Variants in DDI2 observed in about 807,000 individuals in gnomAD.
The protein encoded by DDI2 is protein DDI1 homolog 2.
Under a neutral mutation model 48.1 loss-of-function variants are expected in DDI2, and 5 were observed. The ratio of observed to expected loss-of-function variants is 0.10; its 90% confidence interval spans 0.05 to 0.22. The LOEUF (loss-of-function observed/expected upper bound fraction) is 0.22. Among genes scored for constraint, DDI2 ranks in the 10% least tolerant of loss-of-function variants. The pLI is 1.00. For synonymous variants in DDI2, 205 were observed against 183.6 expected (o/e 1.12, Z -0.94); for missense variants, 285 against 506.2 (o/e 0.56, Z 4.19).
At chr1:15,620,792 T>C (rs1639648021) in intron 1 of DDI2, among the ~76,000 whole-genome samples, 2 of 152,176 alleles carry the variant, frequency 1.3e-5, no homozygotes, top group African/African-American at 2.4e-5. Context: ...TAATATGTTA[T>C]CTGTAAAGTA....
intron 8 of DDI2, among the ~76,000 whole-genome samples, chr1:15,654,254 G>A (rs1640235769): frequency 6.6e-6 from 1 of 152,210 alleles, no homozygotes; most frequent in Non-Finnish European, 1.5e-5. Flanking sequence ...ACATTCAGAT[G>A]TCTGTCATTG....
At chr1:15,632,492 C>T (rs1230457135) in intron 3 of DDI2, among the ~76,000 whole-genome samples, 2 of 151,960 alleles carry the variant, frequency 1.3e-5, no homozygotes, top group Non-Finnish European at 2.9e-5. Context: ...AAGATTGCGC[C>T]ATTGCTCCCC....
chr1:15,643,617 G>A lies in DDI2; in HGVS notation c.856G>A (p.Gly286Ser). ...RRWAGIAKGVGTQKIIGRVHL... is the reference protein window; with the variant it reads ...RRWAGIAKGVSTQKIIGRVHL... The stretch of plus-strand genomic sequence containing the variant: ...GTGGGCAGGGATTGCCAAAGGAGTG[G>A]GCACCCAGAAGATTATTGGAAGGGT... Residue 286 changes from glycine (G) to serine (S), a missense_variant, in exon 6 of 10, where the codon GGC becomes AGC. Physicochemically the swap from Gly to Ser is moderately conservative, Grantham distance 56. Coordinates refer to ENST00000480945, the MANE Select transcript of DDI2 (RefSeq NM_032341.5). 6.2e-7 allele frequency: 1 copy of A among 1,614,150 alleles called. No individual in the cohort carries two copies. Among genetic ancestry groups the A allele is most frequent in the Non-Finnish European group, 8.5e-7 (1 of 1,180,024 alleles).
chr1:15,629,199 T>C (rs1477142429), intron 2 of DDI2, among the ~76,000 whole-genome samples: 1 of 152,212 alleles, frequency 6.6e-6, no homozygotes, highest in African/African-American at 2.4e-5. Context: ...GATTAAAGTA[T>C]AAATTCAGAG....
At chr1:15,631,891 C>T (rs534622146) in intron 3 of DDI2, among the ~76,000 whole-genome samples, 1 of 151,796 alleles carries the variant, frequency 6.6e-6, no homozygotes, top group Non-Finnish European at 1.5e-5. Flanking sequence ...CTGCAACCTT[C>T]GCCTCCTGGG....
At chr1:15,635,954 A>G (rs2103468716) in intron 4 of DDI2, among the ~76,000 whole-genome samples, 1 of 152,366 alleles carries the variant, frequency 6.6e-6, no homozygotes, top group Non-Finnish European at 1.5e-5. Flanking sequence ...TTGCTACACC[A>G]GTGATTACAC....
chr1:15,626,665 G>A lies in DDI2; in HGVS notation c.139-4G>A. 1.9e-6 allele frequency: 3 copies of A among 1,614,140 alleles called. No individual in the cohort carries two copies. Among genetic ancestry groups the A allele is most frequent in the Non-Finnish European group, 2.5e-6 (3 of 1,180,006 alleles). ...ATACTGTTGTATATCTTTTCTTGTT[G>A]TAGATCGTCTATGCGGAAAGACCTC... On this transcript the variant is annotated splice_polypyrimidine_tract_variant and splice_region_variant and intron_variant, in intron 1 of 9. Coordinates refer to ENST00000480945, the MANE Select transcript of DDI2 (RefSeq NM_032341.5).
At chr1:15,652,728 C>G (rs531018731) in intron 8 of DDI2, among the ~76,000 whole-genome samples, 2 of 152,048 alleles carry the variant, frequency 1.3e-5, no homozygotes, top group South Asian at 4.2e-4. Flanking sequence ...GAGGCTGAGG[C>G]AGGAGAATGA....
chr1:15,634,062 G>C (rs6661782), intron 4 of DDI2: 62 of 233,296 alleles, frequency 2.7e-4, no homozygotes, highest in African/African-American at 1.4e-3. Context: ...ACTGGCCTCA[G>C]TGGATAAACT....
intron 1 of DDI2, among the ~76,000 whole-genome samples, chr1:15,618,862 T>G (rs1639608384): frequency 6.6e-6 from 1 of 152,238 alleles, no homozygotes; most frequent in Non-Finnish European, 1.5e-5. Context: ...CTACTGCAGT[T>G]ATGAAATAGT....
In DDI2 at chr1:15,623,387, CTTTTTTT is replaced by C. The variant is rs777821777; in HGVS notation, c.139-3266_139-3260del. Among the ~76,000 whole-genome samples, 10 of 107,490 alleles carry C rather than the reference CTTTTTTT, an allele frequency of 9.3e-5. 1 individual carries two copies. The highest frequency in any genetic ancestry group is 2.9e-4 in the Admixed American group (3 of 10,324). 70.5% of individuals were successfully genotyped at this position (107,490 alleles called of 152,430 possible). ...CAGTTCCAATTGCAGTTTTCTTCTTCTTTTTTTTTTTTTTTTTTTTTTAAGAGACAAG... is the reference window on the plus strand; with the variant it reads ...CAGTTCCAATTGCAGTTTTCTTCTTCTTTTTTTTTTTTTTTAAGAGACAAG... On this transcript the variant is annotated intron_variant, in intron 1 of 9. Coordinates refer to ENST00000480945, the MANE Select transcript of DDI2 (RefSeq NM_032341.5).
At chr1:15,655,282 C>T (rs899283514) in intron 8 of DDI2, among the ~76,000 whole-genome samples, 4 of 152,024 alleles carry the variant, frequency 2.6e-5, no homozygotes, top group African/African-American at 9.7e-5. Flanking sequence ...TAATATCATC[C>T]GAATAAATAC....
intron 2 of DDI2, chr1:15,627,036 A>G (rs756217289): frequency 2.9e-5 from 15 of 517,346 alleles, no homozygotes; most frequent in Non-Finnish European, 4.5e-5. Flanking sequence ...AGGCTAATGC[A>G]TGTAAAATCT....
intron 8 of DDI2, among the ~76,000 whole-genome samples, 163 bp downstream of exon 8, chr1:15,652,058 C>CTTTTTTTTT (rs772990709): frequency 1.7e-4 from 13 of 75,960 alleles, no homozygotes; most frequent in African/African-American, 6.6e-4. Context: ...TTTGATCTTC[C>CTTTTTTTTT]TTTTTTTTTT....
At chr1:15,626,031 T>G (rs1025338556) in intron 1 of DDI2, among the ~76,000 whole-genome samples, 2 of 152,238 alleles carry the variant, frequency 1.3e-5, no homozygotes, top group African/African-American at 4.8e-5. Flanking sequence ...CACACTTTAT[T>G]TAATAGTACT....
At chr1:15,624,294 A>G (rs1000445948) in intron 1 of DDI2, among the ~76,000 whole-genome samples, 3 of 151,930 alleles carry the variant, frequency 2.0e-5, no homozygotes, top group African/African-American at 7.3e-5. Flanking sequence ...CTTCTGGTTT[A>G]TGTGTTTTTT....
At chr1:15,636,433 T>A (rs987740104) in intron 4 of DDI2, among the ~76,000 whole-genome samples, 2 of 152,054 alleles carry the variant, frequency 1.3e-5, no homozygotes, top group African/African-American at 4.8e-5. Context: ...GAGGTTTATT[T>A]TTTGTTTGTT....
At position 15,661,198 on chromosome 1, in the gene DDI2, G is replaced by A; in HGVS notation, c.*1408G>A. 1.2e-6 allele frequency: 2 copies of A among 1,614,182 alleles called. No homozygotes were observed. Among genetic ancestry groups the A allele is most frequent in the African/African-American group, 1.3e-5 (1 of 75,058 alleles). ...CACTGGAAGAGAAGCTGTAGAAAAT[G>A]TAAACTTCAGGAGTCTAGGTGATGG... On this transcript the variant is annotated 3_prime_UTR_variant, in exon 10 of 10. Transcript: ENST00000480945.
chr1:15,656,377 T>G lies in DDI2; in HGVS notation c.1184-240T>G, dbSNP rs527824735. 8.5e-5 allele frequency: 117 copies of G among 1,376,978 alleles called. 1 individual carries two copies. The South Asian group carries it at 1.4e-3, about 17-fold the overall frequency. 85.3% of individuals were successfully genotyped at this position (1,376,978 alleles called of 1,614,324 possible). Reference sequence around the variant, plus strand: ...AATTCTCTATGTGTAGAAACAAAATTAATTTCTTTACAAGATCTATTAAAA... The same window carrying G: ...AATTCTCTATGTGTAGAAACAAAATGAATTTCTTTACAAGATCTATTAAAA... On this transcript the variant is annotated intron_variant, in intron 8 of 9. Transcript: ENST00000480945.
Sources: gnomAD v4.1 joint callset for allele counts (sites outside exome capture counted in the v4.1 genomes callset) on GRCh38, gnomAD v4.1.1 for gene constraint, MANE v1.5 for transcripts, NCBI Gene and HGNC (gene_info 2026-07-23, HGNC 2026-07-21) for gene names.